The following ZFHX3 variants were observed in gnomAD, a reference collection of about 807,000 sequenced individuals.
The protein encoded by ZFHX3 is zinc finger homeobox 3, also known as zinc finger homeobox protein 3.
A neutral mutation model predicts 279.1 loss-of-function variants in ZFHX3; 42 were observed. That is an observed-to-expected ratio of 0.15 (90% CI 0.12 to 0.19). The LOEUF is 0.19. ZFHX3 is among the 10% of genes least tolerant of loss of function. The probability of loss-of-function intolerance (pLI) is 1.00; values close to 1 mark genes in which losing one functional copy is unlikely to be tolerated. For synonymous variants in ZFHX3, 2,293 were observed against 1,957.8 expected, an observed-to-expected ratio of 1.17 and a Z score of -4.52; for missense variants, 4,981 against 4,754.0, an observed-to-expected ratio of 1.05 and a Z score of -1.40.
At chr16:73,779,495 C>A (rs1185346603) in intron 1 of ZFHX3, among the ~76,000 whole-genome samples, 2 of 152,148 alleles carry the variant, frequency 1.3e-5, no homozygotes, top group African/African-American at 4.8e-5. Flanking sequence ...AAATCCCACA[C>A]ATTGCTCATT....
intron 4 of ZFHX3, among the ~76,000 whole-genome samples, chr16:73,317,275 G>A (rs1372980407): frequency 6.6e-6 from 1 of 151,586 alleles, no homozygotes; most frequent in Non-Finnish European, 1.5e-5. Flanking sequence ...ACAGAAGCCG[G>A]GGGGTGGGGT....
At chr16:73,886,726 G>C (rs545308713) in intron 1 of ZFHX3, among the ~76,000 whole-genome samples, 1 of 152,170 alleles carries the variant, frequency 6.6e-6, no homozygotes. Flanking sequence ...CACATGCAAA[G>C]CCACACAAAA....
At chr16:73,752,800 C>T (rs958240032) in intron 1 of ZFHX3, among the ~76,000 whole-genome samples, 9 of 152,072 alleles carry the variant, frequency 5.9e-5, no homozygotes, top group East Asian at 1.9e-4. Flanking sequence ...AACCAATATC[C>T]GACATCATCT....
At chr16:73,642,035 G>C (rs1042048854) in intron 2 of ZFHX3, among the ~76,000 whole-genome samples, 1 of 151,988 alleles carries the variant, frequency 6.6e-6, no homozygotes, top group African/African-American at 2.4e-5. Flanking sequence ...TGTGAGGGAC[G>C]CTTCCACCAA....
At chr16:73,102,131 C>T (rs1397451893) in intron 7 of ZFHX3, among the ~76,000 whole-genome samples, 2 of 151,996 alleles carry the variant, frequency 1.3e-5, no homozygotes, top group Admixed American at 6.6e-5. Context: ...CCAGGCTGGT[C>T]TCAAACTCCT....
intron 1 of ZFHX3, among the ~76,000 whole-genome samples, chr16:73,009,468 T>C (rs960587963): frequency 1.3e-5 from 2 of 151,874 alleles, no homozygotes; most frequent in Non-Finnish European, 2.9e-5. Flanking sequence ...TAATGCTTCA[T>C]CTATTTAAAA....
chr16:73,104,294 G>A (rs370506179), intron 7 of ZFHX3, among the ~76,000 whole-genome samples: 2 of 152,040 alleles, frequency 1.3e-5, no homozygotes, highest in Admixed American at 1.3e-4. Context: ...GCAGTAGCGC[G>A]ATCTTAGTTC....
intron 2 of ZFHX3, among the ~76,000 whole-genome samples, chr16:73,578,435 C>T (rs952322780): frequency 6.7e-6 from 1 of 150,244 alleles, no homozygotes; most frequent in Non-Finnish European, 1.5e-5. Flanking sequence ...GTTTGGGAAA[C>T]TTTGAGCAAA....
At chr16:73,809,050 A>G (rs759965088) in intron 1 of ZFHX3, among the ~76,000 whole-genome samples, 3 of 152,156 alleles carry the variant, frequency 2.0e-5, no homozygotes, top group Non-Finnish European at 4.4e-5. Context: ...GTAATAAGCA[A>G]TAAGTGCAAT....
chr16:73,814,701 G>A (rs993340446), intron 1 of ZFHX3, among the ~76,000 whole-genome samples: 2 of 151,864 alleles, frequency 1.3e-5, no homozygotes, highest in African/African-American at 2.4e-5. Flanking sequence ...CTGAGTAGCT[G>A]GGATTATGGG....
intron 5 of ZFHX3, chr16:73,232,979 T>A (rs2012823294): frequency 6.6e-6 from 1 of 151,356 alleles, no homozygotes; most frequent in Non-Finnish European, 1.5e-5. Context: ...AGGGTGTGTT[T>A]GCGTGGATAT....
intron 3 of ZFHX3, among the ~76,000 whole-genome samples, chr16:73,430,521 G>A (rs781329475): frequency 3.9e-4 from 60 of 152,106 alleles, no homozygotes; most frequent in Non-Finnish European, 7.9e-4. Context: ...TTTGCACATG[G>A]CGCTTCTGCG....
chr16:72,888,360 A>C (rs1172653342), intron 4 of ZFHX3, among the ~76,000 whole-genome samples: 1 of 152,084 alleles, frequency 6.6e-6, no homozygotes, highest in Non-Finnish European at 1.5e-5. Flanking sequence ...TAAGAAGAAA[A>C]AGAAGTGTGG....
At chr16:73,163,814 T>A (rs1040398368) in intron 5 of ZFHX3, among the ~76,000 whole-genome samples, 1 of 152,204 alleles carries the variant, frequency 6.6e-6, no homozygotes, top group African/African-American at 2.4e-5. Context: ...ATCAATATTT[T>A]ACATAAATAA....
chr16:73,389,983 T>A (rs1205271845), intron 3 of ZFHX3, among the ~76,000 whole-genome samples: 2 of 152,012 alleles, frequency 1.3e-5, no homozygotes. Context: ...TCACTTGAAC[T>A]TGGGAGGCGG....
At chr16:73,272,036 G>A (rs986643073) in intron 4 of ZFHX3, among the ~76,000 whole-genome samples, 6 of 152,174 alleles carry the variant, frequency 3.9e-5, no homozygotes, top group Non-Finnish European at 7.3e-5. Flanking sequence ...CAGGGAGGCT[G>A]TATAACCATC....
chr16:73,490,951 T>C (rs560752089), intron 2 of ZFHX3, among the ~76,000 whole-genome samples: 1 of 152,372 alleles, frequency 6.6e-6, no homozygotes, highest in African/African-American at 2.4e-5. Flanking sequence ...AGATTTCTCC[T>C]GTGACTAATA....
chr16:72,923,046 T>C (rs1164511668), intron 3 of ZFHX3, among the ~76,000 whole-genome samples: 1 of 152,176 alleles, frequency 6.6e-6, no homozygotes, highest in African/African-American at 2.4e-5. Flanking sequence ...TACACACACA[T>C]CAGAGTATAT....
intron 4 of ZFHX3, among the ~76,000 whole-genome samples, chr16:72,837,161 G>A (rs373054560): frequency 8.5e-5 from 13 of 152,266 alleles, no homozygotes; most frequent in African/African-American, 1.9e-4. Flanking sequence ...CTCCAGGGGC[G>A]CCATTGCCTT....
Sources: gnomAD v4.1 joint callset for allele counts (sites outside exome capture counted in the v4.1 genomes callset) on GRCh38, gnomAD v4.1.1 for gene constraint, MANE v1.5 for transcripts, NCBI Gene and HGNC (gene_info 2026-07-23, HGNC 2026-07-21) for gene names.